IP6K1: variants seen among roughly 807,000 people sequenced by gnomAD.
IP6K1 encodes the protein inositol hexakisphosphate kinase 1, also known as ATP:1D-myo-inositol-hexakisphosphate phosphotransferase.
In IP6K1, 13 loss-of-function variants were observed where a neutral mutation model predicts 38.3. That is an observed-to-expected ratio of 0.34 (90% CI 0.22 to 0.54). The LOEUF is 0.54. Ranked by LOEUF, IP6K1 falls within the 20% of genes least tolerant of loss-of-function variation. IP6K1 has a pLI of 0.92. For synonymous variants in IP6K1, 212 were observed against 229.9 expected (o/e 0.92, Z 0.70); for missense variants, 397 against 599.8 (o/e 0.66, Z 3.53).
intron 1 of IP6K1, among the ~76,000 whole-genome samples, chr3:49,761,204 AC>A (rs2080865146): frequency 6.6e-6 from 1 of 151,794 alleles, no homozygotes; most frequent in Non-Finnish European, 1.5e-5. Context: ...AGTCCCAGCT[AC>A]TCGGGAGGCC....
At chr3:49,768,864 T>C (rs1477266076) in intron 1 of IP6K1, among the ~76,000 whole-genome samples, 1 of 152,152 alleles carries the variant, frequency 6.6e-6, no homozygotes, top group East Asian at 1.9e-4. Context: ...GGGGTGTTAC[T>C]ATATAATGGG....
intron 4 of IP6K1, among the ~76,000 whole-genome samples, chr3:49,732,092 A>T (rs1340444300): frequency 2.0e-5 from 3 of 151,838 alleles, no homozygotes. Flanking sequence ...ACCACATCCA[A>T]CTAATTTTTT....
At chr3:49,757,116 AATG>A (rs1223525388) in intron 1 of IP6K1, among the ~76,000 whole-genome samples, 3 of 152,222 alleles carry the variant, frequency 2.0e-5, no homozygotes, top group Admixed American at 6.5e-5. Flanking sequence ...TCACATGTGA[AATG>A]ATGAGCCTCC....
rs1266723715 is a variant in IP6K1, at chr3:49,725,133, A to G, written c.*1989T>C. On this transcript the variant is annotated 3_prime_UTR_variant, in exon 6 of 6. Coordinates refer to ENST00000321599, the MANE Select transcript of IP6K1 (RefSeq NM_153273.4). ...GCAGCAGCAAATCCCAGGCCTTCCC[A>G]CTCTTTGTAGTGCCAGGAAAATACT... 6.6e-6 allele frequency: 1 copy of G among 152,452 alleles called. No individual in the cohort carries two copies. The highest frequency in any genetic ancestry group is 1.5e-5 in the Non-Finnish European group (1 of 68,036). 9.4% of individuals were successfully genotyped at this position (152,452 alleles called of 1,614,324 possible).
chr3:49,741,944 C>G (rs925041304), intron 2 of IP6K1, among the ~76,000 whole-genome samples: 1 of 152,124 alleles, frequency 6.6e-6, no homozygotes, highest in Non-Finnish European at 1.5e-5. Flanking sequence ...CACCTTCCTC[C>G]TCTCAAACTG....
chr3:49,774,407 C>CAAAAAAAAAAAAAAAAAAAAAA (rs777187857), intron 1 of IP6K1, among the ~76,000 whole-genome samples: 1 of 44,286 alleles, frequency 2.3e-5, no homozygotes, highest in Non-Finnish European at 4.7e-5. Context: ...GACTCCATCT[C>CAAAAAAAAAAAAAAAAAAAAAA]AAAAAAAAAA....
intron 1 of IP6K1, among the ~76,000 whole-genome samples, chr3:49,751,501 T>C (rs1483046815): frequency 6.6e-6 from 1 of 152,106 alleles, no homozygotes; most frequent in Non-Finnish European, 1.5e-5. Context: ...TCCTGAAGTC[T>C]GGTGTCCACA....
chr3:49,746,245 T>G, intron 2 of IP6K1, among the ~76,000 whole-genome samples: 1 of 151,754 alleles, frequency 6.6e-6, no homozygotes, highest in Non-Finnish European at 1.5e-5. Context: ...ATATGGACAT[T>G]TGTAAGACAA....
chr3:49,757,927 A>G (rs1209863009), intron 1 of IP6K1, among the ~76,000 whole-genome samples: 2 of 152,160 alleles, frequency 1.3e-5, no homozygotes, highest in South Asian at 2.1e-4. Context: ...AAAATTTCAT[A>G]CATCTAGGAA....
In IP6K1 at chr3:49,727,787, G is replaced by T; in HGVS notation, c.793-132C>A. ...CTGCTCACCTATCTAAGTGGAACCA[G>T]GCAGGCCACATTCACCCTGGGTTTT... On this transcript the variant is annotated intron_variant, in intron 5 of 5. Transcript: ENST00000321599. This position sits in a 1 kb window ranked among gnomAD's most constrained non-coding sequence, Gnocchi z 5.9. 1.1e-6 allele frequency: 1 copy of T among 926,286 alleles called. No homozygotes were observed. The highest frequency in any genetic ancestry group is 1.6e-6 in the Non-Finnish European group (1 of 625,848). 57.4% of individuals were successfully genotyped at this position (926,286 alleles called of 1,614,324 possible). A position where few individuals can be genotyped will look rare whatever the true frequency, so the allele number is the denominator to read the frequency against.
At position 49,738,304 on chromosome 3, in the gene IP6K1, C is replaced by T; in HGVS notation, c.342G>A (p.Arg114=). ...GCAGGCTCCGGCGGGAGTGTTTGCG[C>T]CGAGGTTGCTCCCGTTCTGTTGTGT... ...QDDTTEREQP[R]RKHSRRSLHR... The change falls in exon 3 of 6, where the codon CGG becomes CGA. Residue 114 remains arginine, a synonymous_variant. Coordinates refer to ENST00000321599, the MANE Select transcript of IP6K1 (RefSeq NM_153273.4). 6.2e-7 allele frequency: 1 copy of T among 1,614,190 alleles called. No homozygotes were observed. Among genetic ancestry groups the T allele is most frequent in the Non-Finnish European group, 8.5e-7 (1 of 1,180,044 alleles).
At chr3:49,741,098 C>T (rs2080664916) in intron 2 of IP6K1, among the ~76,000 whole-genome samples, 2 of 152,158 alleles carry the variant, frequency 1.3e-5, no homozygotes, top group South Asian at 4.1e-4. Context: ...GATCTGCCCG[C>T]CTCCCAAAGT....
intron 1 of IP6K1, among the ~76,000 whole-genome samples, chr3:49,771,245 C>G (rs1575325728): frequency 6.7e-6 from 1 of 149,196 alleles, no homozygotes; most frequent in East Asian, 2.0e-4. Flanking sequence ...CACCTATAGT[C>G]CCAGCTACTT....
At chr3:49,770,964 A>G (rs1377038543) in intron 1 of IP6K1, among the ~76,000 whole-genome samples, 2 of 151,496 alleles carry the variant, frequency 1.3e-5, no homozygotes, top group Non-Finnish European at 2.9e-5. Flanking sequence ...ATTTTTAAAA[A>G]GAAAATAAGC....
intron 1 of IP6K1, among the ~76,000 whole-genome samples, chr3:49,766,208 C>T (rs1411695395): frequency 2.6e-5 from 4 of 151,580 alleles, no homozygotes; most frequent in African/African-American, 9.7e-5. Flanking sequence ...AAACAAAAAG[C>T]ACAAAAATTC....
intron 2 of IP6K1, among the ~76,000 whole-genome samples, chr3:49,747,004 C>T (rs1236780197): frequency 3.3e-5 from 5 of 152,034 alleles, no homozygotes; most frequent in Admixed American, 2.0e-4. Flanking sequence ...TGTGTTAATG[C>T]CACTAAATTA....
At chr3:49,749,789 T>A (rs1436275340) in intron 1 of IP6K1, among the ~76,000 whole-genome samples, 1 of 150,924 alleles carries the variant, frequency 6.6e-6, no homozygotes, top group Non-Finnish European at 1.5e-5. Context: ...TATTCTGTAC[T>A]CCCAGTCCCC....
intron 1 of IP6K1, among the ~76,000 whole-genome samples, chr3:49,779,962 AT>A (rs2081050649): frequency 6.6e-6 from 1 of 152,016 alleles, no homozygotes; most frequent in South Asian, 2.1e-4. Context: ...TTCTGGAATT[AT>A]GGGCATGAGC....
chr3:49,783,183 G>C (rs948637331), intron 1 of IP6K1, among the ~76,000 whole-genome samples: 2 of 151,894 alleles, frequency 1.3e-5, no homozygotes, highest in Non-Finnish European at 2.9e-5. Context: ...GGGAGGCCAA[G>C]ACAGGAGGAT....
Sources: gnomAD v4.1 joint callset for allele counts (sites outside exome capture counted in the v4.1 genomes callset) on GRCh38, gnomAD v4.1.1 for gene constraint, Gnocchi (gnomAD v3.1) non-coding constraint, MANE v1.5 for transcripts, NCBI Gene and HGNC (gene_info 2026-07-23, HGNC 2026-07-21) for gene names.